The following RGMB variants were observed in gnomAD, a reference collection of about 807,000 sequenced individuals.
The protein encoded by RGMB is repulsive guidance molecule B.
RGMB carries 16 observed loss-of-function variants against 26.9 expected under a neutral mutation model. The observed-to-expected ratio is 0.60, with a 90% confidence interval of 0.40 to 0.90. The LOEUF (loss-of-function observed/expected upper bound fraction) is 0.90. RGMB is among the 40% of genes least tolerant of loss of function. RGMB has a pLI of 0.00. For missense variants in RGMB, 512 were observed against 573.3 expected, an observed-to-expected ratio of 0.89 and a Z score of 1.09; for synonymous variants, 225 against 229.3, an observed-to-expected ratio of 0.98 and a Z score of 0.17.
At chr5:98,790,828 T>G (rs966896594) in intron 2 of RGMB, among the ~76,000 whole-genome samples, 1 of 152,234 alleles carries the variant, frequency 6.6e-6, no homozygotes, top group Non-Finnish European at 1.5e-5. Context: ...TTGAAGAGTT[T>G]AATCTTTGAG....
chr5:98,780,265 G>A (rs1746553910), intron 2 of RGMB, 177 bp downstream of exon 2: 1 of 578,616 alleles, frequency 1.7e-6, no homozygotes, highest in Non-Finnish European at 3.0e-6. Context: ...TTTCTTATTG[G>A]AATGTAAACG....
At chr5:98,783,261 G>C (rs1002692915) in intron 2 of RGMB, among the ~76,000 whole-genome samples, 1 of 152,110 alleles carries the variant, frequency 6.6e-6, no homozygotes, top group Non-Finnish European at 1.5e-5. Context: ...TCTCCACCCC[G>C]GGGGCTGCAG....
Position 98,796,336 on chromosome 5 carries a change from T to TTCCCCCCC in RGMB, c.*2583_*2584insTCCCCCCC, listed in dbSNP as rs1747122119. On this transcript the variant is annotated 3_prime_UTR_variant, in exon 3 of 3. Coordinates refer to ENST00000513185, the MANE Select transcript of RGMB (RefSeq NM_001366508.1). ...TGTCCTCTTTGTTATGCTTGGAAGCTCCCCCCCCCCCAACAGTGTGTCGAG... is the reference window on the plus strand; with the variant it reads ...TGTCCTCTTTGTTATGCTTGGAAGCTTCCCCCCCCCCCCCCCCCCAACAGTGTGTCGAG... 1.1e-5 allele frequency: 1 copy of TTCCCCCCC among 93,706 alleles called. No individual in the cohort carries two copies. 5.8% of individuals were successfully genotyped at this position (93,706 alleles called of 1,614,324 possible). A position where few individuals can be genotyped will look rare whatever the true frequency, so the allele number is the denominator to read the frequency against.
At position 98,796,341 on chromosome 5, in the gene RGMB, C is replaced by CCA. The variant is rs1022400967; in HGVS notation, c.*2589_*2590insAC. The CCA allele has an allele frequency of 2.1e-5, 3 of 140,268 alleles. No homozygotes were observed. The highest frequency in any genetic ancestry group is 8.5e-5 in the African/African-American group (3 of 35,194). The allele number at this position is 140,268 out of a possible 1,614,324, so 8.7% of individuals were successfully genotyped here. A position where few individuals can be genotyped will look rare whatever the true frequency, so the allele number is the denominator to read the frequency against. On this transcript the variant is annotated 3_prime_UTR_variant, in exon 3 of 3. Transcript: ENST00000513185. ...TCTTTGTTATGCTTGGAAGCTCCCC[C>CCA]CCCCCCAACAGTGTGTCGAGTCTTT... is the stretch of plus-strand genomic sequence containing the variant.
rs748101819 is a variant in RGMB, at chr5:98,794,855, CT to C, written c.*1105del. 7 of 152,228 alleles carry C rather than the reference CT, an allele frequency of 4.6e-5. No individual in the cohort carries two copies. Among genetic ancestry groups the C allele is most frequent in the Non-Finnish European group, 1.0e-4 (7 of 68,076 alleles). 9.4% of individuals were successfully genotyped at this position (152,228 alleles called of 1,614,324 possible). A position where few individuals can be genotyped will look rare whatever the true frequency, so the allele number is the denominator to read the frequency against. On this transcript the variant is annotated 3_prime_UTR_variant, in exon 3 of 3. Transcript: ENST00000513185. ...TGTCCACCATGATCTTCATCACAGT[CT>C]TTGATATGTCTGCATGCAAAGTGGA...
rs1322314436 is a variant in RGMB, at chr5:98,780,100, T to C, written c.645+12T>C. On this transcript the variant is annotated intron_variant, in intron 2 of 2. Transcript: ENST00000513185. ...CTGCTACAAATAAGGCAAGTATACC[T>C]TCTTTTTTCCCTCTCCCTACTCAAC... The C allele has an allele frequency of 6.3e-6, 10 of 1,596,220 alleles. No individual in the cohort carries two copies. Among genetic ancestry groups the C allele is most frequent in the Non-Finnish European group, 8.5e-6 (10 of 1,175,026 alleles).
rs1335601819 is a variant in RGMB, at chr5:98,795,378, A to G, written c.*1625A>G. The G allele has an allele frequency of 2.0e-5, 3 of 152,226 alleles. No homozygotes were observed. The highest frequency in any genetic ancestry group is 4.4e-5 in the Non-Finnish European group (3 of 68,048). The allele number at this position is 152,226 out of a possible 1,614,324, so 9.4% of individuals were successfully genotyped here. ...TAGTTACTTTTGCCATGTCCTATTG[A>G]TCAGTGACACTGCCAGAGGCCCATA... is the stretch of plus-strand genomic sequence containing the variant. On this transcript the variant is annotated 3_prime_UTR_variant, in exon 3 of 3. Transcript: ENST00000513185.
intron 1 of RGMB, among the ~76,000 whole-genome samples, chr5:98,776,409 G>A (rs1746402952): frequency 6.6e-6 from 1 of 152,094 alleles, no homozygotes; most frequent in African/African-American, 2.4e-5. Flanking sequence ...TTCCTGAATA[G>A]AGATCCAATA....
chr5:98,793,788 C>G lies in RGMB; in HGVS notation c.*35C>G, dbSNP rs940515510. ...TTTGTTTTGGTTTTTTATTTTTTGTCTATAACAAAATTTTAAAATATATAT... is the reference window on the plus strand; with the variant it reads ...TTTGTTTTGGTTTTTTATTTTTTGTGTATAACAAAATTTTAAAATATATAT... On this transcript the variant is annotated 3_prime_UTR_variant, in exon 3 of 3. Coordinates refer to ENST00000513185, the MANE Select transcript of RGMB (RefSeq NM_001366508.1). The G allele has an allele frequency of 6.9e-7, 1 of 1,449,738 alleles. No homozygotes were observed. The highest frequency in any genetic ancestry group is 2.6e-5 in the Admixed American group (1 of 37,802). 89.8% of individuals were successfully genotyped at this position (1,449,738 alleles called of 1,614,324 possible). A position where few individuals can be genotyped will look rare whatever the true frequency, so the allele number is the denominator to read the frequency against.
chr5:98,777,117 G>A (rs1288133068), intron 1 of RGMB, among the ~76,000 whole-genome samples: 1 of 151,786 alleles, frequency 6.6e-6, no homozygotes. Context: ...GAAAAGGTTT[G>A]GGGGGTTGCA....
chr5:98,788,569 G>T (rs544007470), intron 2 of RGMB, among the ~76,000 whole-genome samples: 4 of 151,962 alleles, frequency 2.6e-5, no homozygotes, highest in Admixed American at 2.6e-4. Context: ...TTCCCCCCTC[G>T]AGAGAGAGAC....
chr5:98,792,390 A>G (rs1179342522), intron 2 of RGMB, among the ~76,000 whole-genome samples: 1 of 152,206 alleles, frequency 6.6e-6, no homozygotes, highest in African/African-American at 2.4e-5. Context: ...GAACTATGCC[A>G]TGACTCATCC....
chr5:98,786,828 A>G (rs1254828894), intron 2 of RGMB, among the ~76,000 whole-genome samples: 3 of 152,228 alleles, frequency 2.0e-5, no homozygotes, highest in Non-Finnish European at 4.4e-5. Context: ...TATTGGGTCT[A>G]GAAAGAAGTT....
In RGMB at chr5:98,795,220, A is replaced by C. The variant is rs2112387334; in HGVS notation, c.*1467A>C. ...TTTCTATTGTTATAGCTAGATGTAA[A>C]TCTTTAGTTCCAAGAAGTGATAGAG... On this transcript the variant is annotated 3_prime_UTR_variant, in exon 3 of 3. Coordinates refer to ENST00000513185, the MANE Select transcript of RGMB (RefSeq NM_001366508.1). 6.6e-6 allele frequency: 1 copy of C among 152,318 alleles called. No individual in the cohort carries two copies. Among genetic ancestry groups the C allele is most frequent in the Non-Finnish European group, 1.5e-5 (1 of 68,028 alleles). 9.4% of individuals were successfully genotyped at this position (152,318 alleles called of 1,614,324 possible).
intron 1 of RGMB, among the ~76,000 whole-genome samples, chr5:98,779,162 A>G (rs995865843): frequency 6.6e-6 from 1 of 152,178 alleles, no homozygotes; most frequent in South Asian, 2.1e-4. Flanking sequence ...TGCTTTTCCA[A>G]TGCTTTCTGA....
chr5:98,793,050 A>G (rs1258895160), intron 2 of RGMB, 35 bp from the exon 3 acceptor site: 5 of 1,525,980 alleles, frequency 3.3e-6, no homozygotes, highest in Admixed American at 1.9e-5. Flanking sequence ...CTTCCTTCCC[A>G]TTCTGTTAAA....
intron 2 of RGMB, among the ~76,000 whole-genome samples, chr5:98,782,436 C>G (rs1746637457): frequency 6.6e-6 from 1 of 152,184 alleles, no homozygotes; most frequent in Non-Finnish European, 1.5e-5. Context: ...CTGAAATTTT[C>G]CCTTAATGTC....
At chr5:98,781,672 T>C (rs1193885441) in intron 2 of RGMB, among the ~76,000 whole-genome samples, 1 of 152,158 alleles carries the variant, frequency 6.6e-6, no homozygotes, top group Non-Finnish European at 1.5e-5. Flanking sequence ...AACAAAACTA[T>C]AGAGATTAAT....
At position 98,793,665 on chromosome 5, in the gene RGMB, C is replaced by T; in HGVS notation, c.1226C>T (p.Pro409Leu). ...HPRKERWHIF[P>L]SSGNGTPRGG... is the part of the protein sequence containing the mutation. Reference sequence around the variant, plus strand: ...AGGAAGGAACGCTGGCACATTTTCCCCAGCAGTGGCAATGGGACTCCCCGT... The same window carrying T: ...AGGAAGGAACGCTGGCACATTTTCCTCAGCAGTGGCAATGGGACTCCCCGT... Residue 409 changes from proline (P) to leucine (L), a missense_variant, in exon 3 of 3, where the codon CCC (proline) becomes CTC (leucine). Coordinates refer to ENST00000513185, the MANE Select transcript of RGMB (RefSeq NM_001366508.1). 1.2e-6 allele frequency: 2 copies of T among 1,613,862 alleles called. No homozygotes were observed. Among genetic ancestry groups the T allele is most frequent in the South Asian group, 1.1e-5 (1 of 91,022 alleles).
Sources: gnomAD v4.1 joint callset for allele counts (sites outside exome capture counted in the v4.1 genomes callset) on GRCh38, gnomAD v4.1.1 for gene constraint, MANE v1.5 for transcripts, NCBI Gene and HGNC (gene_info 2026-07-23, HGNC 2026-07-21) for gene names.